RAP1GDS1: variants seen among roughly 807,000 people sequenced by gnomAD.
RAP1GDS1 encodes Rap1 GTPase-GDP dissociation stimulator 1, also known as RAP1, GTP-GDP dissociation stimulator 1.
In RAP1GDS1, 35 loss-of-function variants were observed where a neutral mutation model predicts 71.1. The ratio of observed to expected loss-of-function variants is 0.49; its 90% CI spans 0.38 to 0.65. The LOEUF is 0.65. Ranked by LOEUF, RAP1GDS1 falls within the 30% of genes least tolerant of loss-of-function variation. The probability of loss-of-function intolerance (pLI) is 0.00; values close to 1 mark genes in which losing one functional copy is unlikely to be tolerated. For missense variants in RAP1GDS1, 663 were observed against 706.1 expected (o/e 0.94, Z 0.69); for synonymous variants, 229 against 243.1 (o/e 0.94, Z 0.54).
chr4:98,330,041 G>C (rs1013969105), intron 2 of RAP1GDS1, among the ~76,000 whole-genome samples: 13 of 151,884 alleles, frequency 8.6e-5, no homozygotes, highest in Non-Finnish European at 5.9e-5. Context: ...TGTGAACAAA[G>C]GTCTCTGGTT....
intron 14 of RAP1GDS1, among the ~76,000 whole-genome samples, chr4:98,440,198 T>C (rs1022924442): frequency 1.3e-5 from 2 of 152,242 alleles, no homozygotes; most frequent in African/African-American, 4.8e-5. Context: ...TTCCATCATA[T>C]GTATATATCA....
At chr4:98,295,779 A>C (rs1328029014) in intron 2 of RAP1GDS1, among the ~76,000 whole-genome samples, 4 of 152,026 alleles carry the variant, frequency 2.6e-5, no homozygotes, top group Non-Finnish European at 5.9e-5. Flanking sequence ...AATAGCTCTA[A>C]ATTTTTATTA....
chr4:98,422,256 C>T (rs184339400), intron 12 of RAP1GDS1, among the ~76,000 whole-genome samples: 181 of 152,164 alleles, frequency 1.2e-3, no homozygotes, highest in African/African-American at 4.0e-3. Flanking sequence ...CTTGCTCTCT[C>T]GCTCAGGCTG....
intron 4 of RAP1GDS1, among the ~76,000 whole-genome samples, chr4:98,356,088 T>C (rs1737930078): frequency 6.6e-6 from 1 of 152,146 alleles, no homozygotes; most frequent in Admixed American, 6.5e-5. Context: ...AAATAACTCT[T>C]TTTATGAGAA....
intron 5 of RAP1GDS1, among the ~76,000 whole-genome samples, chr4:98,385,348 A>G (rs542857690): frequency 3.8e-4 from 57 of 151,944 alleles, no homozygotes; most frequent in African/African-American, 1.4e-3. Context: ...ATATGATGAT[A>G]TGAGGCACAT....
intron 5 of RAP1GDS1, among the ~76,000 whole-genome samples, chr4:98,389,723 T>C (rs1056765232): frequency 3.9e-5 from 6 of 152,220 alleles, no homozygotes; most frequent in Non-Finnish European, 7.4e-5. Context: ...AACATTTCTT[T>C]ACTTTTCACC....
chr4:98,326,135 A>G (rs947441340), intron 2 of RAP1GDS1, among the ~76,000 whole-genome samples: 8 of 132,562 alleles, frequency 6.0e-5, no homozygotes, highest in African/African-American at 2.1e-4. Context: ...TTGGTTTGAT[A>G]TTTCTTTCAT....
intron 1 of RAP1GDS1, among the ~76,000 whole-genome samples, chr4:98,269,909 TTAGAA>T (rs1355919139): frequency 1.3e-5 from 2 of 152,182 alleles, no homozygotes; most frequent in Admixed American, 1.3e-4. Context: ...AATGAATATA[TTAGAA>T]TAGGTTATTG....
rs760354060 is a variant in RAP1GDS1, at chr4:98,391,994, C to A, written c.551C>A (p.Thr184Asn). 5.6e-6 allele frequency: 9 copies of A among 1,608,176 alleles called. No individual in the cohort carries two copies. The highest frequency in any genetic ancestry group is 7.7e-6 in the Non-Finnish European group (9 of 1,176,256). The change falls in exon 6 of 15, where the codon ACC (threonine) becomes AAC (asparagine). Residue 184 changes from threonine (T) to asparagine (N), a missense_variant. Thr to Asn is a moderately conservative substitution (Grantham distance 65). Transcript: ENST00000408927. ...CTTATCAATATGGGTGTTATTCCTA[C>A]CTTAGTGAAATTACTGGGCATCCAC... ...AQLINMGVIP[T>N]LVKLLGIHCQ...
At chr4:98,380,531 G>C (rs1179314887) in intron 5 of RAP1GDS1, among the ~76,000 whole-genome samples, 2 of 151,726 alleles carry the variant, frequency 1.3e-5, no homozygotes, top group Non-Finnish European at 2.9e-5. Flanking sequence ...AGTTACATCT[G>C]TTTTTCCTTC....
chr4:98,402,801 C>G (rs1745619504), intron 6 of RAP1GDS1, among the ~76,000 whole-genome samples: 1 of 152,150 alleles, frequency 6.6e-6, no homozygotes, highest in Non-Finnish European at 1.5e-5. Context: ...CTGCTTTATA[C>G]CAGGGACTAT....
chr4:98,322,385 C>T (rs1414719949), intron 2 of RAP1GDS1, among the ~76,000 whole-genome samples: 2 of 111,440 alleles, frequency 1.8e-5, no homozygotes, highest in African/African-American at 7.4e-5. Flanking sequence ...AACAAGGATA[C>T]CCAGGAATTG....
intron 2 of RAP1GDS1, among the ~76,000 whole-genome samples, chr4:98,320,119 A>G (rs541831527): frequency 2.0e-5 from 3 of 152,350 alleles, no homozygotes; most frequent in South Asian, 2.1e-4. Context: ...TGTAATACAT[A>G]TAACATACTG....
chr4:98,407,468 TACACACAC>T (rs568505447), intron 7 of RAP1GDS1, among the ~76,000 whole-genome samples: 2 of 148,966 alleles, frequency 1.3e-5, no homozygotes, highest in South Asian at 2.1e-4. Context: ...GGGGTGTGTA[TACACACAC>T]ACACACACAC....
At chr4:98,409,535 G>A in intron 7 of RAP1GDS1, 1 of 164,346 alleles carries the variant, frequency 6.1e-6, no homozygotes, top group Non-Finnish European at 1.3e-5. Context: ...CAAGATTGTT[G>A]CCAAAATAAT....
chr4:98,341,686 TAA>T (rs1735526056), intron 2 of RAP1GDS1, among the ~76,000 whole-genome samples: 1 of 151,692 alleles, frequency 6.6e-6, no homozygotes, highest in African/African-American at 2.4e-5. Context: ...CATGGCAAAT[TAA>T]GTTTAGTTCT....
At chr4:98,292,747 G>A (rs1052530462) in intron 1 of RAP1GDS1, among the ~76,000 whole-genome samples, 1 of 152,018 alleles carries the variant, frequency 6.6e-6, no homozygotes, top group Non-Finnish European at 1.5e-5. Context: ...AATGTCTATA[G>A]CAATAATATA....
Position 98,442,091 on chromosome 4 carries a change from G to C in RAP1GDS1, c.1798G>C (p.Glu600Gln). ...TGTTGCCCAGCAGGCCTCTCTCACA[G>C]AGCAGAGACTTACTGTGGAAAGCTG... ...KSVAQQASLT[E>Q]QRLTVES The change falls in exon 15 of 15, where the codon GAG becomes CAG. Residue 600 changes from glutamate to glutamine, a missense_variant. Glu to Gln is a conservative substitution (Grantham distance 29). Transcript: ENST00000408927. 6.2e-7 allele frequency: 1 copy of C among 1,613,702 alleles called. No individual in the cohort carries two copies. Among genetic ancestry groups the C allele is most frequent in the Non-Finnish European group, 8.5e-7 (1 of 1,179,956 alleles).
At chr4:98,420,250 AAAAT>A in intron 11 of RAP1GDS1, 106 bp downstream of exon 11, 1 of 1,110,902 alleles carries the variant, frequency 9.0e-7, no homozygotes, top group Non-Finnish European at 1.2e-6. Flanking sequence ...GTAATCATAA[AAAAT>A]AGCAAATAAA....
Sources: allele counts gnomAD v4.1 joint callset (sites outside exome capture counted in the v4.1 genomes callset), GRCh38; gene constraint gnomAD v4.1.1; transcripts MANE v1.5; gene names NCBI Gene and HGNC (gene_info 2026-07-23, HGNC 2026-07-21).